Variants in GABRG1 observed in about 807,000 individuals in gnomAD.
The protein encoded by GABRG1 is gamma-aminobutyric acid receptor subunit gamma-1.
In GABRG1, 49 loss-of-function variants were observed where a neutral mutation model predicts 49.8. That is an observed-to-expected ratio of 0.98 (90% CI 0.78 to 1.25). The LOEUF (loss-of-function observed/expected upper bound fraction) is 1.25. Among genes scored for constraint, GABRG1 ranks in the 50% most tolerant of loss-of-function variants. The probability of loss-of-function intolerance (pLI) is 0.00; values close to 1 mark genes in which losing one functional copy is unlikely to be tolerated. For missense variants in GABRG1, 552 were observed against 552.3 expected, an observed-to-expected ratio of 1.00 and a Z score of 0.01; for synonymous variants, 232 against 185.1, an observed-to-expected ratio of 1.25 and a Z score of -2.06.
chr4:46,123,991 G>A lies in GABRG1; in HGVS notation c.-78C>T. The stretch of plus-strand genomic sequence containing the variant: ...TTTTCCTCCCACCTCAGCAGCAGCT[G>A]GCTGAGTACAGAAGGGAGAGTGTGG... On this transcript the variant is annotated 5_prime_UTR_variant, in exon 1 of 9. Transcript: ENST00000295452. 1.9e-6 allele frequency: 2 copies of A among 1,061,580 alleles called. No homozygotes were observed. The highest frequency in any genetic ancestry group is 2.4e-5 in the East Asian group (1 of 41,472). The allele number at this position is 1,061,580 out of a possible 1,614,324, so 65.8% of individuals were successfully genotyped here. A position where few individuals can be genotyped will look rare whatever the true frequency, so the allele number is the denominator to read the frequency against.
At chr4:46,085,386 T>C (rs1577655622) in intron 2 of GABRG1, among the ~76,000 whole-genome samples, 1 of 151,576 alleles carries the variant, frequency 6.6e-6, no homozygotes, top group Non-Finnish European at 1.5e-5. Flanking sequence ...TGTTTTATGA[T>C]GAGCATAGAG....
intron 1 of GABRG1, among the ~76,000 whole-genome samples, chr4:46,115,223 T>C (rs1720847117): frequency 1.3e-5 from 2 of 150,680 alleles, no homozygotes; most frequent in South Asian, 2.1e-4. Context: ...TAAAACCTCA[T>C]TGTAGCAATA....
chr4:46,088,765 A>ACCCC (rs1553882185), intron 2 of GABRG1, among the ~76,000 whole-genome samples: 1 of 143,792 alleles, frequency 7.0e-6, no homozygotes, highest in African/African-American at 2.6e-5. Context: ...ACACACACAC[A>ACCCC]CCCCATATAT....
At chr4:46,103,287 AGGCC>A (rs376308457) in intron 1 of GABRG1, among the ~76,000 whole-genome samples, 76,579 of 151,108 alleles carry the variant, frequency 0.51, 19,764 homozygotes, top group African/African-American at 0.55. Flanking sequence ...TTGATTGATG[AGGCC>A]ATTTACATAC....
chr4:46,047,392 T>C (rs557269303), intron 8 of GABRG1, among the ~76,000 whole-genome samples: 1 of 152,222 alleles, frequency 6.6e-6, no homozygotes, highest in South Asian at 2.1e-4. Flanking sequence ...AGCCACACTT[T>C]CTCTGGAATT....
At chr4:46,050,988 A>G (rs1183998911) in intron 8 of GABRG1, among the ~76,000 whole-genome samples, 1 of 151,874 alleles carries the variant, frequency 6.6e-6, no homozygotes, top group Non-Finnish European at 1.5e-5. Flanking sequence ...ATGGGAGAGT[A>G]AAATAGTACA....
chr4:46,109,027 G>T (rs1720642448), intron 1 of GABRG1, among the ~76,000 whole-genome samples: 1 of 150,898 alleles, frequency 6.6e-6, no homozygotes, highest in Non-Finnish European at 1.5e-5. Context: ...TAGTTGGAGG[G>T]TTTTCCATAT....
At chr4:46,092,289 G>A (rs932987386) in intron 2 of GABRG1, among the ~76,000 whole-genome samples, 1 of 151,836 alleles carries the variant, frequency 6.6e-6, no homozygotes, top group Non-Finnish European at 1.5e-5. Flanking sequence ...TGGTATTTCA[G>A]ATAAATATAG....
chr4:46,098,359 T>C (rs1416208935), intron 1 of GABRG1, among the ~76,000 whole-genome samples: 1 of 151,738 alleles, frequency 6.6e-6, no homozygotes, highest in Non-Finnish European at 1.5e-5. Flanking sequence ...TCCCTCATGC[T>C]CCAGTGAAAA....
chr4:46,090,965 C>T (rs944314730), intron 2 of GABRG1, among the ~76,000 whole-genome samples: 2 of 150,480 alleles, frequency 1.3e-5, no homozygotes, highest in Non-Finnish European at 3.0e-5. Context: ...TACACACACA[C>T]ACACACACAC....
Position 46,061,056 on chromosome 4 carries a change from CAA to C in GABRG1, c.626-2436_626-2435del, listed in dbSNP as rs745983735. 5.3e-5 allele frequency among the ~76,000 whole-genome samples: 8 copies of C among 152,168 alleles called. No homozygotes were observed. In the South Asian group the frequency reaches 8.3e-4, roughly 16 times the overall value. Reference sequence around the variant, plus strand: ...AGCTATTGACACCCAATTAAACTCACAAAGATAAATGATTAATTACTATTAAC... The same window carrying C: ...AGCTATTGACACCCAATTAAACTCACAGATAAATGATTAATTACTATTAAC... On this transcript the variant is annotated intron_variant, in intron 5 of 8. Coordinates refer to ENST00000295452, the MANE Select transcript of GABRG1 (RefSeq NM_173536.4).
intron 7 of GABRG1, among the ~76,000 whole-genome samples, chr4:46,057,509 A>G (rs1718498694): frequency 6.6e-6 from 1 of 151,990 alleles, no homozygotes; most frequent in African/African-American, 2.4e-5. Context: ...GCAGGTTATC[A>G]TTTTCTTTTA....
intron 1 of GABRG1, among the ~76,000 whole-genome samples, chr4:46,102,107 T>G (rs923206362): frequency 4.6e-5 from 7 of 151,624 alleles, no homozygotes; most frequent in African/African-American, 1.7e-4. Context: ...CTGAAATAAA[T>G]TTCTAATTAT....
intron 8 of GABRG1, among the ~76,000 whole-genome samples, chr4:46,046,747 A>G (rs1254424127): frequency 6.6e-6 from 1 of 152,038 alleles, no homozygotes; most frequent in Non-Finnish European, 1.5e-5. Flanking sequence ...AGCTTTTAGT[A>G]TTATATTACT....
chr4:46,061,703 T>C (rs1212374798), intron 5 of GABRG1, among the ~76,000 whole-genome samples: 2 of 151,712 alleles, frequency 1.3e-5, no homozygotes, highest in Admixed American at 6.6e-5. Flanking sequence ...AGCATTTTAA[T>C]ATAACTGATA....
At chr4:46,063,156 T>C (rs1718769598) in intron 5 of GABRG1, among the ~76,000 whole-genome samples, 3 of 151,722 alleles carry the variant, frequency 2.0e-5, no homozygotes. Flanking sequence ...TTCACAGAAT[T>C]GGAAAAAACT....
chr4:46,077,222 G>A (rs1719383976), intron 3 of GABRG1, among the ~76,000 whole-genome samples: 1 of 151,456 alleles, frequency 6.6e-6, no homozygotes, highest in South Asian at 2.1e-4. Context: ...AATGGGTGCA[G>A]CACACCAACA....
chr4:46,096,063 T>C (rs1481958381), intron 2 of GABRG1, among the ~76,000 whole-genome samples: 2 of 151,850 alleles, frequency 1.3e-5, no homozygotes, highest in Non-Finnish European at 2.9e-5. Context: ...ATGGGTGGTA[T>C]TTGGTTTTGT....
rs28491748 is a variant in GABRG1 at position 46,124,037 on chromosome 4, A to G, written c.-124T>C. On this transcript the variant is annotated 5_prime_UTR_variant, in exon 1 of 9. Transcript: ENST00000295452. ...TGTGGAAAGGCAGTGCACCTCCCAAACAGGTAGGATGCGACTCCCAGCAGA... is the reference window on the plus strand; with the variant it reads ...TGTGGAAAGGCAGTGCACCTCCCAAGCAGGTAGGATGCGACTCCCAGCAGA... 1.5e-6 allele frequency: 1 copy of G among 684,694 alleles called. No individual in the cohort carries two copies. Among genetic ancestry groups the G allele is most frequent in the South Asian group, 1.8e-5 (1 of 55,180 alleles). 42.4% of individuals were successfully genotyped at this position (684,694 alleles called of 1,614,324 possible).
Sources: gnomAD v4.1 joint callset for allele counts (sites outside exome capture counted in the v4.1 genomes callset) on GRCh38, gnomAD v4.1.1 for gene constraint, MANE v1.5 for transcripts, NCBI Gene and HGNC (gene_info 2026-07-23, HGNC 2026-07-21) for gene names.